Variants in IFT122 observed in about 807,000 individuals in gnomAD.
The protein encoded by IFT122 is intraflagellar transport 122.
Under a neutral mutation model 161.6 loss-of-function variants are expected in IFT122, and 118 were observed. The ratio of observed to expected loss-of-function variants is 0.73; its 90% CI spans 0.63 to 0.85. The LOEUF is 0.85. Ranked by LOEUF, IFT122 falls within the 40% of genes least tolerant of loss-of-function variation. IFT122 has a pLI of 0.00. For synonymous variants in IFT122, 550 were observed against 602.4 expected, an observed-to-expected ratio of 0.91 and a Z score of 1.27; for missense variants, 1,381 against 1,579.6, an observed-to-expected ratio of 0.87 and a Z score of 2.13.
intron 15 of IFT122, 25 bp from the exon 16 acceptor site, chr3:129,488,232 T>C: frequency 1.2e-6 from 2 of 1,614,026 alleles, no homozygotes; most frequent in South Asian, 2.2e-5. Context: ...CAGTCTTCTT[T>C]TTTTCCCTTG....
At position 129,507,761 on chromosome 3, in the gene IFT122, C is replaced by A; in HGVS notation, c.2885C>A (p.Thr962Lys). The change falls in exon 23 of 30, where the codon ACG becomes AAG. Residue 962 changes from threonine to lysine, a missense_variant and splice_region_variant. Thr to Lys is a moderately conservative substitution (Grantham distance 78). Coordinates refer to ENST00000348417, the MANE Select transcript of IFT122 (RefSeq NM_052989.3). The stretch of plus-strand genomic sequence containing the variant: ...GGTTACCATGCCATCCATCGCCACA[C>A]GGTAAGGTGGCTGGGTCACCAGCAC... ...YHGYHAIHRH[T>K]EDPFSVHRPE... The A allele has an allele frequency of 6.2e-7, 1 of 1,611,176 alleles. No homozygotes were observed. The highest frequency in any genetic ancestry group is 8.5e-7 in the Non-Finnish European group (1 of 1,177,422).
rs565931610 is a variant in IFT122, at chr3:129,485,048, A to G, written c.1851+1366A>G. Among the ~76,000 whole-genome samples, 7 of 152,234 alleles carry G rather than the reference A, an allele frequency of 4.6e-5. 1 individual carries two copies. The highest frequency in any genetic ancestry group is 1.7e-4 in the African/African-American group (7 of 41,534). On this transcript the variant is annotated intron_variant, in intron 15 of 29. Coordinates refer to ENST00000348417, the MANE Select transcript of IFT122 (RefSeq NM_052989.3). ...CCACCTGCCTTGTATTTACAGCTGC[A>G]TTTTATTGTGTCTTGTGGATGTTCC...
intron 9 of IFT122, 101 bp from the exon 10 acceptor site, chr3:129,476,214 C>A: frequency 3.0e-6 from 4 of 1,314,674 alleles, no homozygotes; most frequent in Non-Finnish European, 4.3e-6. Flanking sequence ...CCCTGTCTTC[C>A]CAACTCCCTC....
At chr3:129,452,062 A>G in intron 3 of IFT122, 64 bp downstream of exon 3, 1 of 1,245,450 alleles carries the variant, frequency 8.0e-7, no homozygotes, top group Non-Finnish European at 1.2e-6. Context: ...TTTTCTCTTT[A>G]GTCACTTTTT....
At chr3:129,463,677 ACT>A (rs1274819726) in intron 6 of IFT122, 51 bp downstream of exon 6, 2 of 1,439,506 alleles carry the variant, frequency 1.4e-6, no homozygotes, top group East Asian at 4.5e-5. Context: ...TTCCACACAG[ACT>A]CTCAAAATCC....
chr3:129,463,419 CT>C, intron 5 of IFT122, 140 bp from the exon 6 acceptor site: 2 of 712,408 alleles, frequency 2.8e-6, no homozygotes, highest in Non-Finnish European at 2.5e-6. Flanking sequence ...AGTATATGAC[CT>C]TTTGAGATTA....
intron 8 of IFT122, among the ~76,000 whole-genome samples, chr3:129,468,508 C>T (rs1241287939): frequency 6.6e-6 from 1 of 152,186 alleles, no homozygotes; most frequent in East Asian, 1.9e-4. Context: ...CCACGCCGAA[C>T]TAATTTTGCA....
At chr3:129,504,100 G>A in intron 20 of IFT122, 1 of 545,620 alleles carries the variant, frequency 1.8e-6, no homozygotes, top group Non-Finnish European at 3.3e-6. Context: ...TGTTGTTACT[G>A]AATCCAGTCG....
chr3:129,498,265 CT>C (rs2081123734), intron 18 of IFT122, among the ~76,000 whole-genome samples: 2 of 152,236 alleles, frequency 1.3e-5, no homozygotes, highest in African/African-American at 4.8e-5. Flanking sequence ...GTGGTCACCC[CT>C]GGTCCCCTGA....
chr3:129,463,627 G>A lies in IFT122; in HGVS notation c.416+1G>A. On this transcript the variant is annotated splice_donor_variant, in intron 6 of 29. Coordinates refer to ENST00000348417, the MANE Select transcript of IFT122 (RefSeq NM_052989.3). LOFTEE classifies it high-confidence loss of function. ...CAAGCAGCAAGATCATCTGCTGCAG[G>A]TAAGTGCAGCTCTGACGATAAGATT... 1 of 1,610,424 alleles carries A rather than the reference G, an allele frequency of 6.2e-7. No homozygotes were observed. The highest frequency in any genetic ancestry group is 8.5e-7 in the Non-Finnish European group (1 of 1,176,780).
Position 129,520,425 on chromosome 3 carries a change from C to A in IFT122, c.*160C>A. The A allele has an allele frequency of 1.5e-6, 1 of 688,184 alleles. No individual in the cohort carries two copies. Among genetic ancestry groups the A allele is most frequent in the South Asian group, 1.5e-5 (1 of 65,318 alleles). 42.6% of individuals were successfully genotyped at this position (688,184 alleles called of 1,614,324 possible). A position where few individuals can be genotyped will look rare whatever the true frequency, so the allele number is the denominator to read the frequency against. On this transcript the variant is annotated 3_prime_UTR_variant, in exon 30 of 30. Transcript: ENST00000348417. ...GTAACCACGGAATTCCTATTTATGG[C>A]ATTTCATGCCTTGTAAATAGCACCA... is the stretch of plus-strand genomic sequence containing the variant.
At chr3:129,469,543 C>G (rs560575789) in intron 9 of IFT122, 126 bp downstream of exon 9, 1 of 785,294 alleles carries the variant, frequency 1.3e-6, no homozygotes, top group East Asian at 2.7e-5. Flanking sequence ...GCTGTGGTAC[C>G]AGATACTGTG....
intron 24 of IFT122, 105 bp from the exon 25 acceptor site, chr3:129,514,284 C>T (rs1394418364): frequency 1.0e-5 from 13 of 1,289,360 alleles, no homozygotes; most frequent in Non-Finnish European, 8.8e-6. Context: ...GCCTTCCCGG[C>T]ACCAGCACAA....
At chr3:129,502,635 A>T (rs961176215) in intron 19 of IFT122, 76 bp from the exon 20 acceptor site, 83 of 1,547,000 alleles carry the variant, frequency 5.4e-5, no homozygotes, top group Non-Finnish European at 6.9e-5. Flanking sequence ...ACTGGGGACC[A>T]CAGAATGAAT....
chr3:129,449,331 GAC>G (rs1302391838), intron 1 of IFT122, among the ~76,000 whole-genome samples: 1 of 152,040 alleles, frequency 6.6e-6, no homozygotes, highest in Non-Finnish European at 1.5e-5. Context: ...TCAATTATAA[GAC>G]ACAACCTTAG....
chr3:129,492,427 C>T (rs1182021754), intron 17 of IFT122, among the ~76,000 whole-genome samples: 1 of 152,192 alleles, frequency 6.6e-6, no homozygotes, highest in Non-Finnish European at 1.5e-5. Flanking sequence ...TTCCGGATCT[C>T]TCCAGGGTTG....
intron 15 of IFT122, chr3:129,487,671 G>C (rs546543875): frequency 7.0e-5 from 12 of 172,248 alleles, no homozygotes; most frequent in Admixed American, 1.6e-4. Context: ...ATTCCAGACC[G>C]CTTCCTCCCA....
chr3:129,469,401 A>G lies in IFT122; in HGVS notation c.800A>G (p.Gln267Arg), dbSNP rs372983894. The G allele has an allele frequency of 7.4e-6, 12 of 1,613,750 alleles. No homozygotes were observed. Among genetic ancestry groups the G allele is most frequent in the Non-Finnish European group, 1.0e-5 (12 of 1,179,806 alleles). ...ADWGQKVSFYQLSGKQIGKDR... is the reference protein window; with the variant it reads ...ADWGQKVSFYRLSGKQIGKDR... Reference sequence around the variant, plus strand: ...TGGGGACAGAAAGTTTCCTTCTACCAGCTGAGTGGAAAACAGGTATGTAGC... The same window carrying G: ...TGGGGACAGAAAGTTTCCTTCTACCGGCTGAGTGGAAAACAGGTATGTAGC... Residue 267 changes from glutamine (Q) to arginine (R), a missense_variant, in exon 9 of 30, where the codon CAG (glutamine) becomes CGG (arginine). Transcript: ENST00000348417.
intron 3 of IFT122, among the ~76,000 whole-genome samples, chr3:129,457,276 G>A (rs1036002469): frequency 1.3e-5 from 2 of 152,148 alleles, no homozygotes; most frequent in African/African-American, 2.4e-5. Context: ...AGCCCAAGTA[G>A]TATGAAAATG....
Sources: allele counts gnomAD v4.1 joint callset (sites outside exome capture counted in the v4.1 genomes callset), GRCh38; gene constraint gnomAD v4.1.1; transcripts MANE v1.5; gene names NCBI Gene and HGNC (gene_info 2026-07-23, HGNC 2026-07-21).